Variants in TLE2 observed in about 807,000 individuals in gnomAD.
TLE2 encodes TLE family member 2, transcriptional corepressor.
In TLE2, 74 loss-of-function variants were observed where a neutral mutation model predicts 97.2. The ratio of observed to expected loss-of-function variants is 0.76; its 90% CI spans 0.63 to 0.92. TLE2 has a LOEUF of 0.92. TLE2 is among the 40% of genes least tolerant of loss of function. The pLI, the probability that TLE2 is intolerant of heterozygous loss-of-function variation, is 0.00. For synonymous variants in TLE2, 499 were observed against 432.1 expected (o/e 1.15, Z -1.92); for missense variants, 1,038 against 1,008.7 (o/e 1.03, Z -0.39).
chr19:3,008,992 C>G, intron 13 of TLE2, 47 bp from the exon 14 acceptor site: 1 of 1,469,970 alleles, frequency 6.8e-7, no homozygotes, highest in Non-Finnish European at 9.2e-7. Context: ...GACTCCAACC[C>G]ACCTCTGTGC....
At position 3,002,450 on chromosome 19, in the gene TLE2, C is replaced by T. The variant is rs755306287; in HGVS notation, c.1950G>A (p.Glu650=). The T allele has an allele frequency of 1.9e-6, 3 of 1,608,268 alleles. No homozygotes were observed. The highest frequency in any genetic ancestry group is 2.5e-6 in the Non-Finnish European group (3 of 1,177,638). ...PNQDWLAVGM[E]SSNVEILHVR... is the part of the protein sequence containing the mutation. ...CGTGCAGGATCTCCACGTTGCTACT[C>T]TCCATTCCGACCGCCAGCCAGTCCT... Residue 650 remains glutamate, a synonymous_variant, in exon 18 of 20, where the codon GAG becomes GAA. Coordinates refer to ENST00000262953, the MANE Select transcript of TLE2 (RefSeq NM_003260.5).
At chr19:3,033,229 G>A (rs1203871503), upstream of TLE2, among the ~76,000 whole-genome samples, 1 of 151,672 alleles carries the variant, frequency 6.6e-6, no homozygotes, top group Non-Finnish European at 1.5e-5. Flanking sequence ...GTGCAGTGGT[G>A]CCATCTCAGC....
At chr19:3,027,719 A>C in intron 4 of TLE2, 110 bp downstream of exon 4, 1 of 1,060,268 alleles carries the variant, frequency 9.4e-7, no homozygotes, top group Non-Finnish European at 1.4e-6. Context: ...TCAGGATGAG[A>C]CCCGTGTTCC....
chr19:3,037,724 G>A (rs983681260), intron 1 of TLE2, among the ~76,000 whole-genome samples: 1 of 152,272 alleles, frequency 6.6e-6, no homozygotes, highest in Non-Finnish European at 1.5e-5. Context: ...GTCCCAGAGT[G>A]ACAACGGCTC....
intron 1 of TLE2, among the ~76,000 whole-genome samples, chr19:3,036,297 C>T (rs1251128368): frequency 6.6e-6 from 1 of 152,210 alleles, no homozygotes; most frequent in Non-Finnish European, 1.5e-5. Flanking sequence ...GGCTCCCGCC[C>T]AGGCTGTCAA....
At chr19:3,009,770 G>T in intron 12 of TLE2, 68 bp from the exon 13 acceptor site, 2 of 1,528,424 alleles carry the variant, frequency 1.3e-6, no homozygotes, top group South Asian at 2.5e-5. Context: ...ACTGCCTTGG[G>T]AGCTCCCTGG....
chr19:3,001,499 A>T lies in TLE2; in HGVS notation c.2048-776T>A, dbSNP rs150774760. Among the ~76,000 whole-genome samples, 34 of 151,664 alleles carry T rather than the reference A, an allele frequency of 2.2e-4. No homozygotes were observed. In the East Asian group the frequency reaches 4.3e-3, roughly 19 times the overall value. ...TTACACTAATGAATGATTTTTTTTT[A>T]AAAAGAGATAGGGTCTCACTGTATT... is the stretch of plus-strand genomic sequence containing the variant. On this transcript the variant is annotated intron_variant, in intron 18 of 19. Transcript: ENST00000262953.
In TLE2 at chr19:3,029,082, C is replaced by T; in HGVS notation, c.-178G>A. 6 of 1,282,592 alleles carry T rather than the reference C, an allele frequency of 4.7e-6. No individual in the cohort carries two copies. The highest frequency in any genetic ancestry group is 5.9e-6 in the Non-Finnish European group (6 of 1,013,344). The allele number at this position is 1,282,592 out of a possible 1,614,324, so 79.5% of individuals were successfully genotyped here. A position where few individuals can be genotyped will look rare whatever the true frequency, so the allele number is the denominator to read the frequency against. ...TGGCGCGCCCCCAAGCGCGCGCGCCCGGGGTCGTGGGAGCCCCTCCCCGGG... is the reference window on the plus strand; with the variant it reads ...TGGCGCGCCCCCAAGCGCGCGCGCCTGGGGTCGTGGGAGCCCCTCCCCGGG... On this transcript the variant is annotated 5_prime_UTR_variant, in exon 1 of 20. Coordinates refer to ENST00000262953, the MANE Select transcript of TLE2 (RefSeq NM_003260.5).
chr19:3,043,251 G>A (rs1332414672), intron 1 of TLE2, among the ~76,000 whole-genome samples: 1 of 151,362 alleles, frequency 6.6e-6, no homozygotes, highest in African/African-American at 2.4e-5. Flanking sequence ...AAGTAGCTGA[G>A]ACCACAATCG....
chr19:3,039,990 G>A (rs1193946496), intron 1 of TLE2, among the ~76,000 whole-genome samples: 1 of 152,202 alleles, frequency 6.6e-6, no homozygotes, highest in Admixed American at 6.5e-5. Flanking sequence ...AAAAGGCCCC[G>A]ACCGTTATTA....
chr19:3,025,032 G>T lies in TLE2; in HGVS notation c.282C>A (p.Phe94Leu). The T allele has an allele frequency of 6.2e-7, 1 of 1,601,600 alleles. No homozygotes were observed. The highest frequency in any genetic ancestry group is 8.5e-7 in the Non-Finnish European group (1 of 1,174,436). ...LSGICAQIIP[F>L]LTQEHQQQVL... is the part of the protein sequence containing the mutation. ...CAGGCCCACTCACCTCCTGGGTCAG[G>T]AAGGGGATAATCTGAGCGCAGATAC... The change falls in exon 5 of 20, where the codon TTC (phenylalanine) becomes TTA (leucine). Residue 94 changes from phenylalanine (F) to leucine (L), a missense_variant. Phe to Leu is a conservative substitution (Grantham distance 22). Coordinates refer to ENST00000262953, the MANE Select transcript of TLE2 (RefSeq NM_003260.5).
At chr19:2,998,046 G>T in intron 19 of TLE2, 91 bp from the exon 20 acceptor site, 1 of 856,742 alleles carries the variant, frequency 1.2e-6, no homozygotes, top group Non-Finnish European at 1.9e-6. Flanking sequence ...GTCAGGAACG[G>T]GAGGTCAGGA....
chr19:2,999,631 G>A (rs761789248), intron 19 of TLE2, among the ~76,000 whole-genome samples: 1 of 151,672 alleles, frequency 6.6e-6, no homozygotes, highest in Non-Finnish European at 1.5e-5. Flanking sequence ...GGAGGCTGAG[G>A]CAGGAGAATG....
rs2089453901 is a variant in TLE2 at position 3,005,498 on chromosome 19, G to A, written c.1835C>T (p.Thr612Met). The change falls in exon 17 of 20, where the codon ACG (threonine) becomes ATG (methionine). Residue 612 changes from threonine to methionine, a missense_variant. By Grantham distance (81) the Thr-to-Met change is moderately conservative (BLOSUM62 -1). Coordinates refer to ENST00000262953, the MANE Select transcript of TLE2 (RefSeq NM_003260.5). ...CTCCCGCAGGTCCCAGCAGCGCACC[G>A]TGTTGTCCAGGCCCCCTGTCCAGAG... ...TRLWTGGLDN[T>M]VRCWDLREGR... The A allele has an allele frequency of 1.9e-6, 3 of 1,613,536 alleles. No individual in the cohort carries two copies. The highest frequency in any genetic ancestry group is 2.2e-5 in the East Asian group (1 of 44,894).
intron 7 of TLE2, among the ~76,000 whole-genome samples, 156 bp from the exon 8 acceptor site, chr19:3,018,015 T>C (rs2089752164): frequency 6.9e-6 from 1 of 144,242 alleles, no homozygotes; most frequent in Non-Finnish European, 1.5e-5. Flanking sequence ...TTGCAAGTGG[T>C]GGATTATCCC....
At chr19:3,005,105 G>A (rs1269194029) in intron 17 of TLE2, among the ~76,000 whole-genome samples, 1 of 152,072 alleles carries the variant, frequency 6.6e-6, no homozygotes, top group Non-Finnish European at 1.5e-5. Flanking sequence ...CGCTCTCGGC[G>A]GCGTCCAGAG....
chr19:3,015,075 A>G (rs1035717868), intron 9 of TLE2, among the ~76,000 whole-genome samples: 1 of 137,158 alleles, frequency 7.3e-6, no homozygotes, highest in Admixed American at 7.4e-5. Flanking sequence ...AAAAAAAAAA[A>G]GCTATTAGGT....
At chr19:3,011,911 G>A (rs1462869278) in intron 11 of TLE2, among the ~76,000 whole-genome samples, 1 of 151,460 alleles carries the variant, frequency 6.6e-6, no homozygotes, top group Non-Finnish European at 1.5e-5. Flanking sequence ...GTCAAGATTT[G>A]CAATTCTTTT....
intron 7 of TLE2, among the ~76,000 whole-genome samples, chr19:3,018,802 G>C (rs1246401002): frequency 2.0e-5 from 3 of 151,384 alleles, no homozygotes; most frequent in African/African-American, 4.9e-5. Flanking sequence ...ATTTTTAGTA[G>C]AGATGGGGTT....
Sources: allele counts gnomAD v4.1 joint callset (sites outside exome capture counted in the v4.1 genomes callset), GRCh38; gene constraint gnomAD v4.1.1; transcripts MANE v1.5; gene names NCBI Gene and HGNC (gene_info 2026-07-23, HGNC 2026-07-21).